PRTFDC1: variants seen among roughly 807,000 people sequenced by gnomAD.
PRTFDC1 encodes phosphoribosyltransferase domain-containing protein 1.
In PRTFDC1, 38 loss-of-function variants were observed where a neutral mutation model predicts 34.6. The ratio of observed to expected loss-of-function variants is 1.10; its 90% CI spans 0.85 to 1.44. PRTFDC1 has a LOEUF of 1.44. Ranked by LOEUF, PRTFDC1 falls within the 40% of genes most tolerant of loss-of-function variation. The pLI is 0.00. For synonymous variants in PRTFDC1, 93 were observed against 98.1 expected (o/e 0.95, Z 0.31); for missense variants, 270 against 283.0 (o/e 0.95, Z 0.33).
intron 3 of PRTFDC1, among the ~76,000 whole-genome samples, chr10:24,921,715 A>G (rs1255887800): frequency 1.0e-3 from 24 of 23,596 alleles, no homozygotes; most frequent in Admixed American, 1.9e-3. Context: ...GTTCTCTAGG[A>G]AAAAAAAAAA....
At chr10:24,860,844 G>A (rs1264351565) in intron 4 of PRTFDC1, among the ~76,000 whole-genome samples, 2 of 152,120 alleles carry the variant, frequency 1.3e-5, no homozygotes, top group African/African-American at 2.4e-5. Context: ...TTTGATTGAC[G>A]CTTACCAATC....
intron 3 of PRTFDC1, among the ~76,000 whole-genome samples, chr10:24,880,821 TTC>T (rs1491161192): frequency 1.1e-5 from 1 of 90,460 alleles, no homozygotes; most frequent in Non-Finnish European, 2.3e-5. Flanking sequence ...TTCTCTTTCT[TTC>T]TTTCTTTCTT....
Position 24,872,047 on chromosome 10 carries a change from C to T in PRTFDC1, c.356G>A (p.Gly119Asp), listed in dbSNP as rs1487047239. Residue 119 changes from glycine (G) to aspartate (D), a missense_variant, in exon 4 of 9, where the codon GGT (glycine) becomes GAT (aspartate). By Grantham distance (94) the Gly-to-Asp change is moderately conservative (BLOSUM62 -1). Coordinates refer to ENST00000320152, the MANE Select transcript of PRTFDC1 (RefSeq NM_020200.7). The part of the protein sequence containing the change: ...LKSYRNDQSM[G>D]EMQIIGGDDL... ...ATCGCCTCCGATTATCTGCATCTCA[C>T]CCATGGACTGGTCATTCTGCAAAAA... The T allele has an allele frequency of 1.9e-6, 3 of 1,611,336 alleles. No individual in the cohort carries two copies. The Admixed American group carries it at 5.0e-5, about 27-fold the overall frequency.
In PRTFDC1 at chr10:24,952,410, G is replaced by T; in HGVS notation, c.48+118C>A. ...GATGGAAGCGATCCCCGCCGGGAGG[G>T]AGAACAAAGCGGTGGCCCTCTCTCT... On this transcript the variant is annotated intron_variant, in intron 1 of 8. Coordinates refer to ENST00000320152, the MANE Select transcript of PRTFDC1 (RefSeq NM_020200.7). This position sits in a 1 kb window ranked among gnomAD's most constrained non-coding sequence, Gnocchi z 5.1. The T allele has an allele frequency of 8.3e-7, 1 of 1,200,000 alleles. No individual in the cohort carries two copies. Among genetic ancestry groups the T allele is most frequent in the Non-Finnish European group, 1.2e-6 (1 of 835,284 alleles). 74.3% of individuals were successfully genotyped at this position (1,200,000 alleles called of 1,614,324 possible). A position where few individuals can be genotyped will look rare whatever the true frequency, so the allele number is the denominator to read the frequency against.
At chr10:24,880,813 C>CTTTCTT (rs763527548) in intron 3 of PRTFDC1, among the ~76,000 whole-genome samples, 36 of 115,016 alleles carry the variant, frequency 3.1e-4, no homozygotes, top group African/African-American at 1.0e-3. Flanking sequence ...TACTGTCTTT[C>CTTTCTT]TCTTTCTTTC....
At chr10:24,902,072 T>C (rs1848458840) in intron 3 of PRTFDC1, among the ~76,000 whole-genome samples, 1 of 152,176 alleles carries the variant, frequency 6.6e-6, no homozygotes, top group Non-Finnish European at 1.5e-5. Context: ...CTGCAGTGGT[T>C]ACTGGCAGTG....
intron 3 of PRTFDC1, among the ~76,000 whole-genome samples, chr10:24,903,017 T>C (rs147343799): frequency 0.01 from 1,550 of 152,160 alleles, 29 homozygotes; most frequent in African/African-American, 0.036. Context: ...GCCAACATAG[T>C]GAAACCCCAT....
At chr10:24,875,267 C>A (rs939218682) in intron 3 of PRTFDC1, among the ~76,000 whole-genome samples, 1 of 152,150 alleles carries the variant, frequency 6.6e-6, no homozygotes, top group Non-Finnish European at 1.5e-5. Flanking sequence ...GTGTTGAGAA[C>A]ATTTAAATCC....
chr10:24,907,346 G>C (rs1261253624), intron 3 of PRTFDC1, among the ~76,000 whole-genome samples: 2 of 152,046 alleles, frequency 1.3e-5, no homozygotes, highest in African/African-American at 2.4e-5. Flanking sequence ...TGTAATCCCA[G>C]CACTTTCGGA....
intron 3 of PRTFDC1, among the ~76,000 whole-genome samples, chr10:24,902,710 G>A (rs1848468230): frequency 6.6e-6 from 1 of 152,164 alleles, no homozygotes; most frequent in Non-Finnish European, 1.5e-5. Context: ...AAGGTAACAA[G>A]AAGGAAAGTA....
chr10:24,857,079 A>G, intron 5 of PRTFDC1, 84 bp from the exon 6 acceptor site: 1 of 1,123,584 alleles, frequency 8.9e-7, no homozygotes, highest in Non-Finnish European at 1.4e-6. Flanking sequence ...CTCCTGATTA[A>G]TAATGCATCG....
chr10:24,902,555 A>G (rs1251408784), intron 3 of PRTFDC1, among the ~76,000 whole-genome samples: 1 of 152,226 alleles, frequency 6.6e-6, no homozygotes, highest in Non-Finnish European at 1.5e-5. Context: ...TCTCCTCCTC[A>G]TAAATTCCAT....
At chr10:24,883,813 G>A in intron 3 of PRTFDC1, among the ~76,000 whole-genome samples, 1 of 131,378 alleles carries the variant, frequency 7.6e-6, no homozygotes, top group South Asian at 2.7e-4. Context: ...CATTTCTTAA[G>A]AGACCTTTTT....
chr10:24,868,624 T>A (rs1448101025), intron 4 of PRTFDC1, among the ~76,000 whole-genome samples: 1 of 152,098 alleles, frequency 6.6e-6, no homozygotes, highest in African/African-American at 2.4e-5. Flanking sequence ...ATAAATTAAA[T>A]TTTAAATTTC....
chr10:24,912,268 CAAAAAAAAA>C (rs58294462), intron 3 of PRTFDC1, among the ~76,000 whole-genome samples: 83 of 53,940 alleles, frequency 1.5e-3, no homozygotes, highest in African/African-American at 4.6e-3. Flanking sequence ...GACTTCATCT[CAAAAAAAAA>C]AAAAAAAAAA....
At chr10:24,857,408 C>T (rs1003082692) in intron 5 of PRTFDC1, among the ~76,000 whole-genome samples, 2 of 152,188 alleles carry the variant, frequency 1.3e-5, no homozygotes, top group Non-Finnish European at 2.9e-5. Context: ...AAACCTCCCC[C>T]TTGTCCTCCC....
rs774298624 is a variant in PRTFDC1, at chr10:24,849,906, G to T, written c.631-15C>A. 4 of 1,613,284 alleles carry T rather than the reference G, an allele frequency of 2.5e-6. No individual in the cohort carries two copies. Among genetic ancestry groups the T allele is most frequent in the Non-Finnish European group, 3.4e-6 (4 of 1,179,514 alleles). On this transcript the variant is annotated splice_polypyrimidine_tract_variant and intron_variant, in intron 8 of 8. Coordinates refer to ENST00000320152, the MANE Select transcript of PRTFDC1 (RefSeq NM_020200.7). Reference sequence around the variant, plus strand: ...ACGCATATGTGCTGAAACAATAAAGGATTTAAACGCATCAGTTTCTTAACA... The same window carrying T: ...ACGCATATGTGCTGAAACAATAAAGTATTTAAACGCATCAGTTTCTTAACA...
chr10:24,895,442 G>A (rs1467028814), intron 3 of PRTFDC1, among the ~76,000 whole-genome samples: 1 of 150,036 alleles, frequency 6.7e-6, no homozygotes, highest in Non-Finnish European at 1.5e-5. Context: ...GTAGAGATGG[G>A]GTTTCTCCAT....
chr10:24,923,550 G>A (rs970805023), intron 3 of PRTFDC1, among the ~76,000 whole-genome samples: 15 of 152,164 alleles, frequency 9.9e-5, no homozygotes, highest in African/African-American at 3.6e-4. Context: ...AAACAGACCC[G>A]CAGCTGAGGG....
Sources: gnomAD v4.1 joint callset for allele counts (sites outside exome capture counted in the v4.1 genomes callset) on GRCh38, gnomAD v4.1.1 for gene constraint, Gnocchi (gnomAD v3.1) non-coding constraint, MANE v1.5 for transcripts, NCBI Gene and HGNC (gene_info 2026-07-23, HGNC 2026-07-21) for gene names.